Variants in ERG observed in about 807,000 individuals in gnomAD.
The protein encoded by ERG is transcriptional regulator ERG.
Under a neutral mutation model 55.3 loss-of-function variants are expected in ERG, and 9 were observed. The ratio of observed to expected loss-of-function variants is 0.16; its 90% CI spans 0.10 to 0.28. The LOEUF (loss-of-function observed/expected upper bound fraction) is 0.28, where lower values mean the gene tolerates loss of function less well. ERG is among the 10% of genes least tolerant of loss of function. ERG has a pLI of 1.00. For synonymous variants in ERG, 223 were observed against 237.3 expected, an observed-to-expected ratio of 0.94 and a Z score of 0.55; for missense variants, 434 against 631.6, an observed-to-expected ratio of 0.69 and a Z score of 3.35.
intron 2 of ERG, among the ~76,000 whole-genome samples, chr21:38,423,972 C>G (rs2146505129): frequency 7.1e-6 from 1 of 140,758 alleles, no homozygotes; most frequent in South Asian, 2.3e-4. Flanking sequence ...AAGATTCCAT[C>G]TCAAAACAAA....
chr21:38,656,833 T>A (rs2060522104), intron 1 of ERG, among the ~76,000 whole-genome samples: 2 of 152,210 alleles, frequency 1.3e-5, no homozygotes, highest in Non-Finnish European at 2.9e-5. Context: ...TCCTATTTTT[T>A]AAAAGTCATT....
intron 1 of ERG, among the ~76,000 whole-genome samples, chr21:38,656,729 A>T (rs924929415): frequency 2.6e-5 from 4 of 152,222 alleles, no homozygotes; most frequent in Admixed American, 2.6e-4. Flanking sequence ...TTGCTCCCCT[A>T]CTCTCAAAAC....
chr21:38,413,777 T>G (rs1989161319), intron 3 of ERG, among the ~76,000 whole-genome samples: 1 of 152,130 alleles, frequency 6.6e-6, no homozygotes, highest in Non-Finnish European at 1.5e-5. Context: ...GCTCATCATG[T>G]TTTAGAAATG....
Position 38,460,667 on chromosome 21 carries a change from C to G in ERG, c.19-15046G>C, listed in dbSNP as rs2059033449. On this transcript the variant is annotated intron_variant, in intron 1 of 9. Transcript: ENST00000288319. The surrounding 1 kb of genome is among the most constrained non-coding windows in gnomAD (Gnocchi z 5.0). ...AGGCTTTGACTCACACAGGAAATAC[C>G]TCACTGAGGCTCCCACCCACCCATC... Among the ~76,000 whole-genome samples the G allele has an allele frequency of 6.6e-6, 1 of 152,170 alleles. No individual in the cohort carries two copies. The highest frequency in any genetic ancestry group is 6.5e-5 in the Admixed American group (1 of 15,280).
intron 1 of ERG, among the ~76,000 whole-genome samples, chr21:38,635,554 T>C (rs2060383133): frequency 6.6e-6 from 1 of 152,162 alleles, no homozygotes; most frequent in African/African-American, 2.4e-5. Flanking sequence ...ATGATTCCTT[T>C]AAGGAAACAA....
chr21:38,412,725 C>T (rs959024460), intron 3 of ERG, among the ~76,000 whole-genome samples: 2 of 152,070 alleles, frequency 1.3e-5, no homozygotes, highest in Admixed American at 6.6e-5. Context: ...TTATTTTATA[C>T]TCTTTATCCA....
At position 38,484,553 on chromosome 21, in the gene ERG, C is replaced by T. The variant is rs184789598; in HGVS notation, c.18+13810G>A. On this transcript the variant is annotated intron_variant, in intron 1 of 9. Transcript: ENST00000288319. ...CTGATTTTCTGGGCTCACAAAAATG[C>T]AGTTGAGTTCAGCTGTTGAAAGTTT... is the stretch of plus-strand genomic sequence containing the variant. 5.3e-5 allele frequency among the ~76,000 whole-genome samples: 8 copies of T among 152,308 alleles called. No individual in the cohort carries two copies. In the East Asian group the frequency reaches 1.5e-3, roughly 29 times the overall value.
intron 1 of ERG, chr21:38,660,374 C>G (rs372813768): frequency 1.3e-5 from 2 of 152,490 alleles, no homozygotes; most frequent in Non-Finnish European, 2.9e-5. Context: ...CCGTCCCTCC[C>G]GGCGCTGGAC....
chr21:38,634,195 T>C (rs973050417), intron 1 of ERG, among the ~76,000 whole-genome samples: 1 of 152,238 alleles, frequency 6.6e-6, no homozygotes, highest in African/African-American at 2.4e-5. Flanking sequence ...TTCATTCATT[T>C]ATTCAGTTCT....
rs575800158 is a variant in ERG at position 38,495,733 on chromosome 21, TA to T, written c.18+2629del. On this transcript the variant is annotated intron_variant, in intron 1 of 9. Coordinates refer to ENST00000288319, the MANE Select transcript of ERG (RefSeq NM_182918.4). ...AGACTTCCCAAATTGCAGATGGCAT[TA>T]AAAAAAAAGGAATCAGGAAAGTCTT... Among the ~76,000 whole-genome samples the T allele has an allele frequency of 1.3e-4, 20 of 150,290 alleles. 1 individual carries two copies. Among genetic ancestry groups the T allele is most frequent in the Admixed American group, 6.6e-4 (10 of 15,094 alleles).
intron 2 of ERG, among the ~76,000 whole-genome samples, chr21:38,516,358 C>T (rs2146736540): frequency 6.6e-6 from 1 of 151,680 alleles, no homozygotes; most frequent in East Asian, 1.9e-4. Context: ...AGAAGAAAAT[C>T]CCATTTACAA....
chr21:38,420,336 G>T (rs1053395976), intron 3 of ERG, among the ~76,000 whole-genome samples: 1 of 152,088 alleles, frequency 6.6e-6, no homozygotes, highest in African/African-American at 2.4e-5. Context: ...CTCTGTGTGT[G>T]TATGAGCACA....
intron 2 of ERG, among the ~76,000 whole-genome samples, chr21:38,517,618 T>G (rs1437492814): frequency 6.6e-6 from 1 of 151,982 alleles, no homozygotes. Context: ...ATTTATCTAA[T>G]GAAAAAGAAA....
chr21:38,622,705 C>T lies in ERG; in HGVS notation c.-149-37760G>A, dbSNP rs548654510. On this transcript the variant is annotated intron_variant, in intron 1 of 10. Coordinates refer to the ERG transcript ENST00000398910. ...CCATACCACACACATACACACCACA[C>T]ACACCACATGCTCATAAATACCACA... Among the ~76,000 whole-genome samples, 147 of 148,904 alleles carry T rather than the reference C, an allele frequency of 9.9e-4. 4 individuals carry two copies. The East Asian group carries it at 0.023, about 23-fold the overall frequency.
chr21:38,605,636 CGGGT>C (rs2060191925), intron 1 of ERG, among the ~76,000 whole-genome samples: 1 of 152,184 alleles, frequency 6.6e-6, no homozygotes, highest in African/African-American at 2.4e-5. Flanking sequence ...CTAAGCACTG[CGGGT>C]GGGGTTCCAA....
intron 2 of ERG, among the ~76,000 whole-genome samples, chr21:38,561,235 G>T (rs143273160): frequency 1.3e-5 from 2 of 152,258 alleles, no homozygotes; most frequent in East Asian, 3.9e-4. Context: ...TTGTTTAAAT[G>T]ATTCACAGGT....
intron 1 of ERG, among the ~76,000 whole-genome samples, chr21:38,477,372 G>A (rs1470935888): frequency 6.6e-6 from 1 of 152,080 alleles, no homozygotes; most frequent in Admixed American, 6.5e-5. Context: ...CCTCTCTTCC[G>A]ACATTTGCAT....
chr21:38,463,267 T>C lies in ERG; in HGVS notation c.19-17646A>G, dbSNP rs1330345861. Among the ~76,000 whole-genome samples, 3 of 152,184 alleles carry C rather than the reference T, an allele frequency of 2.0e-5. No individual in the cohort carries two copies. The East Asian group carries it at 5.8e-4, about 29-fold the overall frequency. On this transcript the variant is annotated intron_variant, in intron 1 of 9. Transcript: ENST00000288319. ...AAAACAGAGTCTCAAAGGCATTTAA[T>C]ACTAAGATCAAGTGGCTGGGCATCC...
intron 1 of ERG, among the ~76,000 whole-genome samples, chr21:38,646,868 G>A (rs987153021): frequency 2.0e-5 from 3 of 152,198 alleles, no homozygotes; most frequent in African/African-American, 4.8e-5. Context: ...GCTGCTGCAC[G>A]TCAGTCCCGC....
Sources: gnomAD v4.1 joint callset for allele counts (sites outside exome capture counted in the v4.1 genomes callset) on GRCh38, gnomAD v4.1.1 for gene constraint, Gnocchi (gnomAD v3.1) non-coding constraint, MANE v1.5 for transcripts, NCBI Gene and HGNC (gene_info 2026-07-23, HGNC 2026-07-21) for gene names.